Variants in BEAN1 observed in about 807,000 individuals in gnomAD.
BEAN1 encodes the protein brain expressed associated with NEDD4 1.
A neutral mutation model predicts 17.7 loss-of-function variants in BEAN1; 17 were observed. The observed-to-expected ratio is 0.96, with a 90% CI of 0.66 to 1.44. BEAN1 has a LOEUF of 1.44. BEAN1 is among the 40% of genes most tolerant of loss of function. BEAN1 has a pLI of 0.00. For synonymous variants in BEAN1, 142 were observed against 151.8 expected (o/e 0.94, Z 0.47); for missense variants, 359 against 374.1 (o/e 0.96, Z 0.33).
At chr16:66,449,294 T>C in intron 2 of BEAN1, among the ~76,000 whole-genome samples, 1 of 152,010 alleles carries the variant, frequency 6.6e-6, no homozygotes, top group East Asian at 1.9e-4. Flanking sequence ...ATTCAGATTT[T>C]AAGTTAACTA....
At position 66,493,412 on chromosome 16, in the gene BEAN1, A is replaced by AG; in HGVS notation, c.599dup (p.Ser200ArgfsTer23). The AG allele has an allele frequency of 1.6e-6, 1 of 619,772 alleles. No individual in the cohort carries two copies. Among genetic ancestry groups the AG allele is most frequent in the Non-Finnish European group, 2.9e-6 (1 of 347,188 alleles). The allele number at this position is 619,772 out of a possible 1,614,324, so 38.4% of individuals were successfully genotyped here. A position where few individuals can be genotyped will look rare whatever the true frequency, so the allele number is the denominator to read the frequency against. ...ATCTGAGGTCTCAACAGCCCCCAACAGCCTCCCCAGTGGCTCTCCAGTCCT... is the reference window on the plus strand; with the variant it reads ...ATCTGAGGTCTCAACAGCCCCCAACAGGCCTCCCCAGTGGCTCTCCAGTCCT... On this transcript the variant is annotated frameshift_variant, in exon 5 of 5. Transcript: ENST00000561796. LOFTEE classifies it high-confidence loss of function.
intron 2 of BEAN1, among the ~76,000 whole-genome samples, chr16:66,467,174 C>T (rs535767256): frequency 2.6e-5 from 4 of 152,256 alleles, no homozygotes; most frequent in African/African-American, 9.6e-5. Flanking sequence ...CATGTTCTTA[C>T]GCTAAAGACA....
chr16:66,464,706 G>T (rs1963203585), intron 2 of BEAN1, among the ~76,000 whole-genome samples: 1 of 151,986 alleles, frequency 6.6e-6, no homozygotes, highest in Non-Finnish European at 1.5e-5. Context: ...TTTAGGTTTG[G>T]TCATTGCTAC....
chr16:66,475,038 C>T (rs1364691010), intron 3 of BEAN1, among the ~76,000 whole-genome samples: 3 of 152,130 alleles, frequency 2.0e-5, no homozygotes, highest in Non-Finnish European at 4.4e-5. Flanking sequence ...TGTCAAGGGG[C>T]AGTGAACTTG....
At position 66,481,027 on chromosome 16, in the gene BEAN1, T is replaced by C. The variant is rs990210521; in HGVS notation, c.*102T>C. Reference sequence around the variant, plus strand: ...CACACAGAGATGCACACGTGACTCATAACACACACATAGACCAAACTTGTA... The same window carrying C: ...CACACAGAGATGCACACGTGACTCACAACACACACATAGACCAAACTTGTA... On this transcript the variant is annotated 3_prime_UTR_variant, in exon 5 of 5. Transcript: ENST00000536005. The surrounding 1 kb of genome is among the most constrained non-coding windows in gnomAD (Gnocchi z 4.1). The C allele has an allele frequency of 6.6e-6, 7 of 1,059,370 alleles. No individual in the cohort carries two copies. The highest frequency in any genetic ancestry group is 1.6e-5 in the African/African-American group (1 of 62,388). 65.6% of individuals were successfully genotyped at this position (1,059,370 alleles called of 1,614,324 possible).
At chr16:66,478,050 C>T (rs1213796632) in intron 4 of BEAN1, 2 of 203,890 alleles carry the variant, frequency 9.8e-6, no homozygotes, top group East Asian at 2.5e-4. Context: ...CCGGGTGTCT[C>T]CCTCAGGGTG....
intron 2 of BEAN1, among the ~76,000 whole-genome samples, chr16:66,453,342 T>TACAC (rs34867737): frequency 0.053 from 7,869 of 147,672 alleles, 217 homozygotes; most frequent in Middle Eastern, 0.063. Context: ...CATTCTGTTA[T>TACAC]ACACACACAC....
Position 66,469,771 on chromosome 16 carries a change from C to T in BEAN1, c.195C>T (p.Ala65=). 1 of 1,536,072 alleles carries T rather than the reference C, an allele frequency of 6.5e-7. No individual in the cohort carries two copies. Among genetic ancestry groups the T allele is most frequent in the Non-Finnish European group, 8.7e-7 (1 of 1,146,912 alleles). The change falls in exon 3 of 5, where the codon GCC becomes GCT. Residue 65 remains alanine (A), a synonymous_variant. Transcript: ENST00000536005. The part of the protein sequence containing the change: ...IVGSIRRDRQ[A]RLQRHRHRHH... ...GCAGCATCCGCAGGGACAGGCAGGC[C>T]CGGCTTCAGCGGCACCGCCACCGCC...
intron 2 of BEAN1, among the ~76,000 whole-genome samples, chr16:66,450,523 T>A (rs890134253): frequency 6.6e-6 from 1 of 152,054 alleles, no homozygotes; most frequent in Non-Finnish European, 1.5e-5. Context: ...TGAGACCAGC[T>A]TGGGCAACAT....
At chr16:66,465,086 T>C (rs898858596) in intron 2 of BEAN1, among the ~76,000 whole-genome samples, 2 of 152,228 alleles carry the variant, frequency 1.3e-5, no homozygotes, top group African/African-American at 4.8e-5. Flanking sequence ...TTTTAGTTTG[T>C]TGAGTGATTT....
intron 1 of BEAN1, among the ~76,000 whole-genome samples, chr16:66,430,483 A>G (rs1009308375): frequency 6.6e-6 from 1 of 152,248 alleles, no homozygotes; most frequent in Non-Finnish European, 1.5e-5. Flanking sequence ...TGTAAAACTG[A>G]TAATTACCAC....
intron 2 of BEAN1, among the ~76,000 whole-genome samples, chr16:66,440,706 C>A (rs991412053): frequency 6.6e-6 from 1 of 152,232 alleles, no homozygotes; most frequent in Non-Finnish European, 1.5e-5. Flanking sequence ...TAGCTTCCAA[C>A]AGTCTCTCCC....
At chr16:66,431,888 C>T (rs1020976824) in intron 1 of BEAN1, among the ~76,000 whole-genome samples, 1 of 151,978 alleles carries the variant, frequency 6.6e-6, no homozygotes, top group Non-Finnish European at 1.5e-5. Flanking sequence ...CTCACTGGAA[C>T]CTCCGCCTCC....
At chr16:66,428,698 C>A (rs901421967) in intron 1 of BEAN1, among the ~76,000 whole-genome samples, 2 of 152,122 alleles carry the variant, frequency 1.3e-5, no homozygotes, top group African/African-American at 4.8e-5. Context: ...TGGTGCCTGG[C>A]ACGCAGCCAG....
intron 2 of BEAN1, among the ~76,000 whole-genome samples, chr16:66,452,990 A>G (rs1452239223): frequency 1.3e-5 from 2 of 152,180 alleles, no homozygotes; most frequent in African/African-American, 4.8e-5. Context: ...ACCCTCATCT[A>G]TTAAATCAGA....
At chr16:66,461,757 C>A (rs185160554) in intron 2 of BEAN1, among the ~76,000 whole-genome samples, 48 of 152,286 alleles carry the variant, frequency 3.2e-4, no homozygotes, top group Admixed American at 4.6e-4. Context: ...CCATCGGGGA[C>A]AAGACTCTTG....
At chr16:66,470,177 T>TGGAC in intron 3 of BEAN1, 2 of 341,378 alleles carry the variant, frequency 5.9e-6, no homozygotes, top group Non-Finnish European at 1.0e-5. Context: ...TCTCGATGGA[T>TGGAC]GGATGGATGG....
At chr16:66,479,453 C>G (rs1963901015) in intron 4 of BEAN1, among the ~76,000 whole-genome samples, 1 of 152,070 alleles carries the variant, frequency 6.6e-6, no homozygotes, top group Admixed American at 6.5e-5. Flanking sequence ...GGGTCCAGTG[C>G]CTGGACAGGG....
downstream of BEAN1, among the ~76,000 whole-genome samples, chr16:66,486,441 G>A (rs558560393): frequency 6.6e-6 from 1 of 152,248 alleles, no homozygotes; most frequent in African/African-American, 2.4e-5. Context: ...TTTTAGTAGA[G>A]ACGGGGTCTC....
Sources: gnomAD v4.1 joint callset for allele counts (sites outside exome capture counted in the v4.1 genomes callset) on GRCh38, gnomAD v4.1.1 for gene constraint, Gnocchi (gnomAD v3.1) non-coding constraint, MANE v1.5 for transcripts, NCBI Gene and HGNC (gene_info 2026-07-23, HGNC 2026-07-21) for gene names.